The following ACACA variants were observed in gnomAD, a reference collection of about 807,000 sequenced individuals.
The protein encoded by ACACA is acetyl-CoA carboxylase alpha, also known as acetyl-CoA carboxylase 1.
In ACACA, 103 loss-of-function variants were observed where a neutral mutation model predicts 296.1. The ratio of observed to expected loss-of-function variants is 0.35; its 90% CI spans 0.30 to 0.41. The LOEUF is 0.41. Among genes scored for constraint, ACACA ranks in the 10% least tolerant of loss-of-function variants. The pLI is 1.00. For synonymous variants in ACACA, 953 were observed against 1,038.6 expected (o/e 0.92, Z 1.58); for missense variants, 1,554 against 2,989.7 (o/e 0.52, Z 11.20).
chr17:37,294,545 T>G (rs909905717), intron 3 of ACACA, among the ~76,000 whole-genome samples: 2 of 151,526 alleles, frequency 1.3e-5, no homozygotes, highest in South Asian at 2.1e-4. Context: ...GCTTGGGGGG[T>G]TTTCCTTTGT....
intron 39 of ACACA, among the ~76,000 whole-genome samples, chr17:37,187,915 T>C (rs1255331862): frequency 6.6e-6 from 1 of 152,176 alleles, no homozygotes; most frequent in African/African-American, 2.4e-5. Flanking sequence ...AGTTTAATTA[T>C]GGTGAAAACG....
At position 37,173,322 on chromosome 17, in the gene ACACA, G is replaced by C. The variant is rs2076944528; in HGVS notation, c.5079+5938C>G. On this transcript the variant is annotated intron_variant, in intron 41 of 55. Coordinates refer to ENST00000616317, the MANE Select transcript of ACACA (RefSeq NM_198834.3). Reference sequence around the variant, plus strand: ...TGTCAACCAAGTGAATTAAGACAGAGGGTTATGGTGGTTTTTCTAAAATAA... The same window carrying C: ...TGTCAACCAAGTGAATTAAGACAGACGGTTATGGTGGTTTTTCTAAAATAA... Among the ~76,000 whole-genome samples the C allele has an allele frequency of 4.6e-5, 7 of 152,252 alleles. No homozygotes were observed. In the South Asian group the frequency reaches 1.2e-3, roughly 27 times the overall value.
intron 25 of ACACA, among the ~76,000 whole-genome samples, 153 bp downstream of exon 25, chr17:37,234,822 T>C (rs2246459): frequency 0.32 from 48,719 of 151,988 alleles, 9,551 homozygotes; most frequent in African/African-American, 0.54. Flanking sequence ...CAAAGGTAGA[T>C]GTGAGAAACT....
rs2081279491 is a variant in ACACA at position 37,257,571 on chromosome 17, C to A, written c.1826+132G>T. 6 of 840,010 alleles carry A rather than the reference C, an allele frequency of 7.1e-6. No individual in the cohort carries two copies. The East Asian group carries it at 1.3e-4, about 19-fold the overall frequency. 52.0% of individuals were successfully genotyped at this position (840,010 alleles called of 1,614,324 possible). ...GAATGCAAGTGTAATTAAAGATATT[C>A]AAAATTTCTTCAAAAAGGTTGTTCA... On this transcript the variant is annotated intron_variant, in intron 14 of 55. Transcript: ENST00000616317.
At chr17:37,088,851 G>C (rs1277092050) in intron 55 of ACACA, 87 bp downstream of exon 55, 1 of 1,512,558 alleles carries the variant, frequency 6.6e-7, no homozygotes, top group Non-Finnish European at 9.2e-7. Context: ...TAAGATTTCT[G>C]CGATCATCTC....
At chr17:37,245,297 C>T in intron 19 of ACACA, 83 bp from the exon 20 acceptor site, 1 of 1,456,700 alleles carries the variant, frequency 6.9e-7, no homozygotes, top group East Asian at 2.3e-5. Flanking sequence ...TTTCCCTTAG[C>T]ATCTAAGTTG....
At chr17:37,143,787 T>C in intron 45 of ACACA, 1 of 1,081,300 alleles carries the variant, frequency 9.2e-7, no homozygotes, top group Non-Finnish European at 1.4e-6. Flanking sequence ...CCTTTTTTGC[T>C]GCATCAGGCT....
chr17:37,170,485 A>C (rs1347343702), intron 41 of ACACA, among the ~76,000 whole-genome samples: 1 of 152,170 alleles, frequency 6.6e-6, no homozygotes, highest in Non-Finnish European at 1.5e-5. Context: ...AAATCAAACC[A>C]AATGAATTAT....
At chr17:37,143,727 C>T in intron 45 of ACACA, 3 of 891,906 alleles carry the variant, frequency 3.4e-6, no homozygotes, top group Non-Finnish European at 1.9e-6. Flanking sequence ...TCATCCTCTT[C>T]ATCTTCCTCA....
At chr17:37,245,660 A>T (rs9900363) in intron 19 of ACACA, among the ~76,000 whole-genome samples, 75,958 of 151,728 alleles carry the variant, frequency 0.5, 21,361 homozygotes, top group East Asian at 0.79. Context: ...TCTCTTGCCA[A>T]CTCTTCGGTT....
intron 52 of ACACA, among the ~76,000 whole-genome samples, chr17:37,109,585 A>G (rs1567670598): frequency 6.6e-6 from 1 of 152,240 alleles, no homozygotes; most frequent in East Asian, 1.9e-4. Flanking sequence ...GGTTAAATAA[A>G]TATGGTTTTC....
Position 37,097,763 on chromosome 17 carries a change from G to A in ACACA, c.6720+67C>T, listed in dbSNP as rs2073080765. The stretch of plus-strand genomic sequence containing the variant: ...CATAGCTCCCTGCTTATGAGCCTGT[G>A]TGCAACACACACACACACTTGCCCA... On this transcript the variant is annotated intron_variant, in intron 53 of 55. Coordinates refer to ENST00000616317, the MANE Select transcript of ACACA (RefSeq NM_198834.3). The surrounding 1 kb of genome is among the most constrained non-coding windows in gnomAD (Gnocchi z 4.8). 3 of 1,594,556 alleles carry A rather than the reference G, an allele frequency of 1.9e-6. No individual in the cohort carries two copies. In the Admixed American group the frequency reaches 5.0e-5, roughly 27 times the overall value.
chr17:37,288,495 C>T (rs1299204595), intron 3 of ACACA, among the ~76,000 whole-genome samples: 2 of 152,208 alleles, frequency 1.3e-5, no homozygotes, highest in African/African-American at 4.8e-5. Flanking sequence ...GCTGTGGGAA[C>T]CGACTGCAAG....
At chr17:37,336,306 T>C (rs889712895) in intron 2 of ACACA, among the ~76,000 whole-genome samples, 1 of 152,138 alleles carries the variant, frequency 6.6e-6, no homozygotes, top group African/African-American at 2.4e-5. Flanking sequence ...AGAGTGGTTG[T>C]TGGCCAACCT....
chr17:37,173,993 TATATATATATATA>T lies in ACACA; in HGVS notation c.5079+5254_5079+5266del, dbSNP rs2076986333. Among the ~76,000 whole-genome samples the T allele has an allele frequency of 4.1e-4, 4 of 9,712 alleles. 1 individual carries two copies. The highest frequency in any genetic ancestry group is 2.0e-3 in the African/African-American group (4 of 2,050). 6.4% of individuals were successfully genotyped at this position (9,712 alleles called of 152,430 possible). ...CACGCCTGGCTAATTTATATATATA[TATATATATATATA>T]TATATATATATATATTTTTTTTTTT... On this transcript the variant is annotated intron_variant, in intron 41 of 55. Coordinates refer to ENST00000616317, the MANE Select transcript of ACACA (RefSeq NM_198834.3).
Position 37,245,076 on chromosome 17 carries a change from T to C in ACACA, c.2595+4A>G, listed in dbSNP as rs753986737. 6.2e-7 allele frequency: 1 copy of C among 1,614,210 alleles called. No homozygotes were observed. The highest frequency in any genetic ancestry group is 8.5e-7 in the Non-Finnish European group (1 of 1,180,030). On this transcript the variant is annotated splice_donor_region_variant and intron_variant, in intron 20 of 55. Transcript: ENST00000616317. ...AGCAATATTCGGAGCACCTTCCTAC[T>C]CACCTGCTGAACCTTGCTGGGGTTG... is the stretch of plus-strand genomic sequence containing the variant.
At chr17:37,145,830 G>C (rs2075783642) in intron 45 of ACACA, among the ~76,000 whole-genome samples, 1 of 152,168 alleles carries the variant, frequency 6.6e-6, no homozygotes, top group South Asian at 2.1e-4. Flanking sequence ...AATGTGCTTA[G>C]TAACACTCAA....
Position 37,224,973 on chromosome 17 carries a change from T to C in ACACA, c.3474+19A>G. The C allele has an allele frequency of 2.7e-6, 3 of 1,103,450 alleles. No homozygotes were observed. Among genetic ancestry groups the C allele is most frequent in the South Asian group, 1.7e-5 (1 of 58,988 alleles). The allele number at this position is 1,103,450 out of a possible 1,614,324, so 68.4% of individuals were successfully genotyped here. A position where few individuals can be genotyped will look rare whatever the true frequency, so the allele number is the denominator to read the frequency against. ...CAGATAGGCAGGAAAGGGTTATATA[T>C]ATATATATATATATATACCTGCAGG... is the stretch of plus-strand genomic sequence containing the variant. On this transcript the variant is annotated intron_variant, in intron 27 of 55. Transcript: ENST00000616317.
chr17:37,329,871 G>A (rs193064135), intron 3 of ACACA, among the ~76,000 whole-genome samples: 51 of 152,150 alleles, frequency 3.4e-4, no homozygotes, highest in Non-Finnish European at 5.1e-4. Flanking sequence ...AACCCAGGAG[G>A]CGGAGGTTGC....
Sources: allele counts gnomAD v4.1 joint callset (sites outside exome capture counted in the v4.1 genomes callset), GRCh38; gene constraint gnomAD v4.1.1; non-coding constraint Gnocchi (gnomAD v3.1); transcripts MANE v1.5; gene names NCBI Gene and HGNC (gene_info 2026-07-23, HGNC 2026-07-21).